DNAH10: variants seen among roughly 807,000 people sequenced by gnomAD.
DNAH10 encodes dynein axonemal heavy chain 10.
A neutral mutation model predicts 506.6 loss-of-function variants in DNAH10; 348 were observed. The ratio of observed to expected loss-of-function variants is 0.69; its 90% CI spans 0.63 to 0.75. DNAH10 has a LOEUF of 0.75. DNAH10 is among the 30% of genes least tolerant of loss of function. The probability of loss-of-function intolerance (pLI) is 0.00; values close to 1 mark genes in which losing one functional copy is unlikely to be tolerated. For missense variants in DNAH10, 5,179 were observed against 5,787.1 expected (o/e 0.89, Z 3.41); for synonymous variants, 2,059 against 2,198.6 (o/e 0.94, Z 1.78).
chr12:123,843,939 A>G (rs1402070654), intron 30 of DNAH10, among the ~76,000 whole-genome samples: 3 of 152,254 alleles, frequency 2.0e-5, no homozygotes, highest in Non-Finnish European at 4.4e-5. Flanking sequence ...GACTATAGTA[A>G]TCCGCAGTCA....
rs1960010695 is a variant in DNAH10, at chr12:123,826,544, CTT to C, written c.4180-142_4180-141del. 4.6e-6 allele frequency: 3 copies of C among 653,368 alleles called. No homozygotes were observed. The East Asian group carries it at 8.3e-5, about 18-fold the overall frequency. 40.5% of individuals were successfully genotyped at this position (653,368 alleles called of 1,614,324 possible). ...TGTTTTAGATCCTTGTAGTCAACCT[CTT>C]GTTTGTGAATTTCAGGTAGTTGTAG... On this transcript the variant is annotated intron_variant, in intron 24 of 78. Coordinates refer to ENST00000673944, the MANE Select transcript of DNAH10 (RefSeq NM_001372106.1).
At chr12:123,875,769 G>A (rs1042844130) in intron 47 of DNAH10, among the ~76,000 whole-genome samples, 9 of 152,158 alleles carry the variant, frequency 5.9e-5, no homozygotes, top group African/African-American at 2.2e-4. Flanking sequence ...GCCCTGAGGT[G>A]CTCATGCCAC....
At position 123,924,418 on chromosome 12, in the gene DNAH10, A is replaced by T; in HGVS notation, c.11752A>T (p.Thr3918Ser). The T allele has an allele frequency of 6.2e-7, 1 of 1,613,056 alleles. No individual in the cohort carries two copies. Among genetic ancestry groups the T allele is most frequent in the Admixed American group, 1.7e-5 (1 of 60,002 alleles). ...QLPDDVENNQ[T>S]VWQEWYDLDS... ...TCCTGATGATGTTGAGAATAATCAGACTGTCTGGCAGGAGGTGAGCCCACG... is the reference window on the plus strand; with the variant it reads ...TCCTGATGATGTTGAGAATAATCAGTCTGTCTGGCAGGAGGTGAGCCCACG... The change falls in exon 67 of 79, where the codon ACT becomes TCT. Residue 3918 changes from threonine to serine, a missense_variant. Transcript: ENST00000673944.
At chr12:123,786,318 A>C (rs1272566273) in intron 9 of DNAH10, among the ~76,000 whole-genome samples, 1 of 148,192 alleles carries the variant, frequency 6.7e-6, no homozygotes, top group African/African-American at 2.5e-5. Context: ...TTCTGTCTCA[A>C]AAAAAAAAAA....
Position 123,833,216 on chromosome 12 carries a change from G to A in DNAH10, c.4648G>A (p.Glu1550Lys), listed in dbSNP as rs373563221. Residue 1550 changes from glutamate (E) to lysine (K), a missense_variant, in exon 27 of 79, where the codon GAA becomes AAA. Around this residue, in one of 3 missense-constraint regions of DNAH10, gnomAD observed 4,844 missense variants for 5,430.5 expected, o/e 0.89. Transcript: ENST00000673944. ...ERGYILGSVD[E>K]IIQSLDDNTF... Reference sequence around the variant, plus strand: ...AGGCTACATCCTGGGTTCTGTTGACGAAATTATTCAGTCTCTTGATGACAA... The same window carrying A: ...AGGCTACATCCTGGGTTCTGTTGACAAAATTATTCAGTCTCTTGATGACAA... 7.8e-5 allele frequency: 126 copies of A among 1,613,712 alleles called. 1 individual carries two copies. The highest frequency in any genetic ancestry group is 4.9e-4 in the Middle Eastern group (3 of 6,084).
rs569502272 is a variant in DNAH10, at chr12:123,883,132, G to A, written c.8823+1319G>A. ...TTATCCACTGCTGGGCGTGTTTGTT[G>A]TTTCCACCTGTTGGCTTTTGTGGAC... On this transcript the variant is annotated intron_variant, in intron 51 of 78. Transcript: ENST00000673944. Among the ~76,000 whole-genome samples the A allele has an allele frequency of 2.0e-5, 3 of 152,254 alleles. 1 individual carries two copies. In the East Asian group the frequency reaches 5.8e-4, roughly 29 times the overall value.
Position 123,800,258 on chromosome 12 carries a change from G to C in DNAH10, c.2332G>C (p.Ala778Pro), listed in dbSNP as rs751250303. ...GGAGCCTTCGACTTTAGAAAGGGGAGCTGTTTTTGCAATCAACTTTTCACC... is the reference window on the plus strand; with the variant it reads ...GGAGCCTTCGACTTTAGAAAGGGGACCTGTTTTTGCAATCAACTTTTCACC... ...TEEPSTLERG[A>P]VFAINFSPAL... The change falls in exon 15 of 79, where the codon GCT becomes CCT. Residue 778 changes from alanine to proline, a missense_variant. Physicochemically the swap from Ala to Pro is conservative, Grantham distance 27 (BLOSUM62 -1). Transcript: ENST00000673944. 4 of 1,614,044 alleles carry C rather than the reference G, an allele frequency of 2.5e-6. No homozygotes were observed. The highest frequency in any genetic ancestry group is 3.4e-6 in the Non-Finnish European group (4 of 1,179,982).
intron 54 of DNAH10, among the ~76,000 whole-genome samples, chr12:123,896,914 G>A (rs1272886443): frequency 6.6e-6 from 1 of 151,964 alleles, no homozygotes; most frequent in Non-Finnish European, 1.5e-5. Context: ...AATCACATTC[G>A]TAATGTTGTG....
At chr12:123,867,375 GCTCAA>G in intron 41 of DNAH10, 87 bp from the exon 42 acceptor site, 1 of 1,386,060 alleles carries the variant, frequency 7.2e-7, no homozygotes, top group Non-Finnish European at 9.8e-7. Context: ...AGAAGATGTT[GCTCAA>G]CCCTCTTTGG....
Position 123,928,973 on chromosome 12 carries a change from T to G in DNAH10, c.12307-302T>G, listed in dbSNP as rs1955074101. ...AATTCTTTTGGAAAGGTTTTGTCAT[T>G]CTCTGTCTCTCTCTCTCTCTCTGGG... On this transcript the variant is annotated intron_variant, in intron 70 of 78. Coordinates refer to ENST00000673944, the MANE Select transcript of DNAH10 (RefSeq NM_001372106.1). This position sits in a 1 kb window ranked among gnomAD's most constrained non-coding sequence, Gnocchi z 4.9. 1 of 486,060 alleles carries G rather than the reference T, an allele frequency of 2.1e-6. No individual in the cohort carries two copies. The allele number at this position is 486,060 out of a possible 1,614,324, so 30.1% of individuals were successfully genotyped here.
At chr12:123,834,028 G>A (rs932475421) in intron 27 of DNAH10, among the ~76,000 whole-genome samples, 1 of 152,198 alleles carries the variant, frequency 6.6e-6, no homozygotes, top group African/African-American at 2.4e-5. Flanking sequence ...CCTTGTTTTT[G>A]GCCACAATCC....
intron 12 of DNAH10, among the ~76,000 whole-genome samples, chr12:123,795,881 T>TA (rs1372878040): frequency 6.6e-6 from 1 of 152,224 alleles, no homozygotes; most frequent in African/African-American, 2.4e-5. Flanking sequence ...GGATTGTTTT[T>TA]ATAACACAAA....
intron 36 of DNAH10, 54 bp from the exon 37 acceptor site, chr12:123,857,002 A>G: frequency 2.0e-6 from 3 of 1,518,842 alleles, no homozygotes; most frequent in Non-Finnish European, 2.7e-6. Flanking sequence ...ACACAGTCCA[A>G]AGCACTGGGT....
Position 123,853,076 on chromosome 12 carries a change from T to A in DNAH10, c.6292-130T>A, listed in dbSNP as rs983063121. On this transcript the variant is annotated intron_variant, in intron 35 of 78. Transcript: ENST00000673944. The surrounding 1 kb of genome is among the most constrained non-coding windows in gnomAD (Gnocchi z 4.7). Reference sequence around the variant, plus strand: ...TATTTCTGGAAGTTAGAGATGGAATTTGCTTATTTGTAGAGCAGCTGCACT... The same window carrying A: ...TATTTCTGGAAGTTAGAGATGGAATATGCTTATTTGTAGAGCAGCTGCACT... 1 of 960,650 alleles carries A rather than the reference T, an allele frequency of 1.0e-6. No individual in the cohort carries two copies. The highest frequency in any genetic ancestry group is 3.1e-5 in the Admixed American group (1 of 32,424). 59.5% of individuals were successfully genotyped at this position (960,650 alleles called of 1,614,324 possible). A position where few individuals can be genotyped will look rare whatever the true frequency, so the allele number is the denominator to read the frequency against.
Position 123,870,488 on chromosome 12 carries a change from A to G in DNAH10, c.7639+3A>G. On this transcript the variant is annotated splice_donor_region_variant and intron_variant, in intron 44 of 78. Transcript: ENST00000673944. ...GAGGAAATTCATCAACATCCTGGGT[A>G]AGTCAGAGTCAAATCCTTGTTCCTG... The G allele has an allele frequency of 6.2e-7, 1 of 1,612,700 alleles. No homozygotes were observed. The highest frequency in any genetic ancestry group is 1.1e-5 in the South Asian group (1 of 90,734).
chr12:123,918,488 C>T (rs1441370500), intron 64 of DNAH10, among the ~76,000 whole-genome samples, 188 bp from the exon 65 acceptor site: 1 of 152,226 alleles, frequency 6.6e-6, no homozygotes, highest in Admixed American at 6.5e-5. Context: ...GCCATGGGTG[C>T]AGGGGCGTCA....
chr12:123,799,734 A>G (rs887873768), intron 14 of DNAH10, among the ~76,000 whole-genome samples: 1 of 152,198 alleles, frequency 6.6e-6, no homozygotes, highest in African/African-American at 2.4e-5. Context: ...GAAAAATGCC[A>G]TTCCACCTGA....
intron 28 of DNAH10, 123 bp downstream of exon 28, chr12:123,835,651 G>C: frequency 2.9e-6 from 4 of 1,380,900 alleles, no homozygotes; most frequent in Non-Finnish European, 3.9e-6. Context: ...TAGAGACAGG[G>C]TTTTGCTCTG....
intron 2 of DNAH10, among the ~76,000 whole-genome samples, chr12:123,769,665 T>C (rs1231602247): frequency 1.3e-5 from 2 of 152,184 alleles, no homozygotes; most frequent in African/African-American, 2.4e-5. Flanking sequence ...AACATTATTA[T>C]ATATTTTCTT....
Sources: gnomAD v4.1 joint callset for allele counts (sites outside exome capture counted in the v4.1 genomes callset) on GRCh38, gnomAD v4.1.1 for gene constraint, gnomAD v4.1.1 regional missense constraint, Gnocchi (gnomAD v3.1) non-coding constraint, MANE v1.5 for transcripts, NCBI Gene and HGNC (gene_info 2026-07-23, HGNC 2026-07-21) for gene names.